The following WNK1 variants were observed in gnomAD, a reference collection of about 807,000 sequenced individuals.
WNK1 encodes WNK lysine deficient protein kinase 1.
WNK1 carries 38 observed loss-of-function variants against 222.8 expected under a neutral mutation model. The observed-to-expected ratio is 0.17, with a 90% CI of 0.13 to 0.22. The LOEUF (loss-of-function observed/expected upper bound fraction) is 0.22. Among genes scored for constraint, WNK1 ranks in the 10% least tolerant of loss-of-function variants. The probability of loss-of-function intolerance (pLI) is 1.00; values close to 1 mark genes in which losing one functional copy is unlikely to be tolerated. For missense variants in WNK1, 2,348 were observed against 2,918.4 expected (o/e 0.80, Z 4.50); for synonymous variants, 1,090 against 1,092.9 (o/e 1.00, Z 0.05).
intron 1 of WNK1, among the ~76,000 whole-genome samples, chr12:775,175 T>A (rs1565410861): frequency 6.6e-6 from 1 of 152,210 alleles, no homozygotes; most frequent in Non-Finnish European, 1.5e-5. Context: ...AATAGATTTT[T>A]AAAATGTTTA....
intron 4 of WNK1, among the ~76,000 whole-genome samples, chr12:837,588 A>AGAAAAG (rs34618945): frequency 6.0e-5 from 8 of 133,502 alleles, no homozygotes; most frequent in South Asian, 5.0e-4. Flanking sequence ...AAAAAAAAAA[A>AGAAAAG]AAAAGAAAAG....
chr12:853,918 G>GT (rs1380489606), intron 4 of WNK1, among the ~76,000 whole-genome samples: 1 of 151,708 alleles, frequency 6.6e-6, no homozygotes, highest in East Asian at 2.0e-4. Context: ...CACCCCACTA[G>GT]TTTTTTGTCT....
intron 8 of WNK1, among the ~76,000 whole-genome samples, chr12:865,919 G>C (rs553907490): frequency 6.6e-6 from 1 of 152,098 alleles, no homozygotes; most frequent in East Asian, 1.9e-4. Flanking sequence ...TTCCCCCATG[G>C]AAGTATTTTT....
At chr12:836,893 CAG>C (rs1213206326) in intron 4 of WNK1, among the ~76,000 whole-genome samples, 1 of 151,102 alleles carries the variant, frequency 6.6e-6, no homozygotes, top group African/African-American at 2.4e-5. Context: ...GAGTATTAAT[CAG>C]AAATATTTTT....
At chr12:820,479 T>G (rs1039190964) in intron 2 of WNK1, among the ~76,000 whole-genome samples, 156 of 148,928 alleles carry the variant, frequency 1.0e-3, no homozygotes, top group South Asian at 6.0e-3. Flanking sequence ...TTTTTTTTTT[T>G]TTTTTTTTTT....
chr12:870,555 G>C (rs12305739), intron 8 of WNK1, among the ~76,000 whole-genome samples: 6 of 152,114 alleles, frequency 3.9e-5, no homozygotes, highest in African/African-American at 1.4e-4. Context: ...GAGAAACACT[G>C]TAGTTGGGGT....
At chr12:853,265 T>A (rs771219877) in intron 4 of WNK1, among the ~76,000 whole-genome samples, 15 of 152,168 alleles carry the variant, frequency 9.9e-5, no homozygotes, top group Non-Finnish European at 2.1e-4. Flanking sequence ...TGCACAGTTA[T>A]TGGTTTTGCT....
chr12:782,356 T>C (rs1418874176), intron 1 of WNK1, among the ~76,000 whole-genome samples: 1 of 152,192 alleles, frequency 6.6e-6, no homozygotes, highest in Non-Finnish European at 1.5e-5. Context: ...AATAACTACA[T>C]AGTATGTTGT....
At chr12:906,216 C>T in intron 26 of WNK1, 1 of 757,444 alleles carries the variant, frequency 1.3e-6, no homozygotes, top group South Asian at 6.0e-5. Flanking sequence ...TATTCTGTAA[C>T]ACGTGAGATC....
chr12:840,555 CACTT>C (rs1304157824), intron 4 of WNK1, among the ~76,000 whole-genome samples: 3 of 152,212 alleles, frequency 2.0e-5, no homozygotes, highest in Non-Finnish European at 4.4e-5. Flanking sequence ...CAGCCACACT[CACTT>C]GCTTCCATAT....
At chr12:879,513 C>CTTTTT (rs10717495) in intron 10 of WNK1, 60 bp from the exon 11 acceptor site, 513 of 402,694 alleles carry the variant, frequency 1.3e-3, no homozygotes, top group South Asian at 1.7e-3. Flanking sequence ...GGCAGCCTTG[C>CTTTTT]TTTTTTTTTT....
At chr12:818,266 GT>G (rs1947545748) in intron 2 of WNK1, among the ~76,000 whole-genome samples, 1 of 152,102 alleles carries the variant, frequency 6.6e-6, no homozygotes, top group African/African-American at 2.4e-5. Context: ...GAAATTTTCA[GT>G]TTCTGAGCTT....
intron 2 of WNK1, among the ~76,000 whole-genome samples, chr12:822,879 G>T (rs1948018106): frequency 6.6e-6 from 1 of 152,156 alleles, no homozygotes; most frequent in Non-Finnish European, 1.5e-5. Flanking sequence ...ATGGCTTCAA[G>T]TTATTGTCTA....
At chr12:873,619 T>C (rs1460297991) in intron 9 of WNK1, among the ~76,000 whole-genome samples, 1 of 152,214 alleles carries the variant, frequency 6.6e-6, no homozygotes, top group Admixed American at 6.5e-5. Context: ...GTTTCTTCCA[T>C]TTTAAATAAA....
intron 22 of WNK1, among the ~76,000 whole-genome samples, chr12:892,605 G>GGA (rs576850116): frequency 1.1e-3 from 170 of 152,224 alleles, no homozygotes; most frequent in African/African-American, 3.9e-3. Context: ...TGTGGGAGGG[G>GGA]GAGGGGTATG....
At position 816,345 on chromosome 12, in the gene WNK1, C is replaced by T. The variant is rs144277088; in HGVS notation, c.932+2531C>T. On this transcript the variant is annotated intron_variant, in intron 2 of 27. Transcript: ENST00000315939. The stretch of plus-strand genomic sequence containing the variant: ...AGTGCAGCAGCACAATCATAGCTCA[C>T]TGCAGCCTCAAACTCCTGGGCTCAG... 1.8e-4 allele frequency among the ~76,000 whole-genome samples: 28 copies of T among 152,286 alleles called. No individual in the cohort carries two copies. The East Asian group carries it at 5.4e-3, about 29-fold the overall frequency.
At chr12:770,524 C>T (rs927401886) in intron 1 of WNK1, among the ~76,000 whole-genome samples, 3 of 152,160 alleles carry the variant, frequency 2.0e-5, no homozygotes, top group African/African-American at 4.8e-5. Context: ...TCATTTAGCT[C>T]ACATTATGTT....
At chr12:895,130 C>G (rs1363544259) in intron 23 of WNK1, among the ~76,000 whole-genome samples, 1 of 152,206 alleles carries the variant, frequency 6.6e-6, no homozygotes, top group Non-Finnish European at 1.5e-5. Flanking sequence ...TAAATTAAAA[C>G]ACATGATACC....
chr12:856,379 A>G (rs1454734407), intron 4 of WNK1, among the ~76,000 whole-genome samples: 5 of 151,900 alleles, frequency 3.3e-5, no homozygotes, highest in African/African-American at 7.2e-5. Flanking sequence ...ACGTGAACCC[A>G]GGAGGCAGAG....
Sources: allele counts gnomAD v4.1 joint callset (sites outside exome capture counted in the v4.1 genomes callset), GRCh38; gene constraint gnomAD v4.1.1; transcripts MANE v1.5; gene names NCBI Gene and HGNC (gene_info 2026-07-23, HGNC 2026-07-21).